The following PEX11B variants were observed in gnomAD, a reference collection of about 807,000 sequenced individuals.
PEX11B encodes the protein peroxisomal membrane protein 11B.
In PEX11B, 18 loss-of-function variants were observed where a neutral mutation model predicts 28.2. The observed-to-expected ratio is 0.64, with a 90% confidence interval of 0.44 to 0.95. The LOEUF (loss-of-function observed/expected upper bound fraction) is 0.95, where lower values mean the gene tolerates loss of function less well. Among genes scored for constraint, PEX11B ranks in the 40% least tolerant of loss-of-function variants. The pLI, the probability that PEX11B is intolerant of heterozygous loss-of-function variation, is 0.00. For synonymous variants in PEX11B, 128 were observed against 128.7 expected (o/e 0.99, Z 0.04); for missense variants, 305 against 319.8 (o/e 0.95, Z 0.35).
chr1:145,914,101 C>T (rs138764143), intron 3 of PEX11B, among the ~76,000 whole-genome samples: 177 of 152,240 alleles, frequency 1.2e-3, no homozygotes, highest in Non-Finnish European at 3.2e-4. Context: ...GTTGGCCAGG[C>T]GTGGTGGCTC....
intron 3 of PEX11B, among the ~76,000 whole-genome samples, chr1:145,913,204 C>G (rs1305180590): frequency 6.6e-6 from 1 of 151,824 alleles, no homozygotes; most frequent in African/African-American, 2.4e-5. Flanking sequence ...TTCAGTTATG[C>G]AAGATGAGTA....
chr1:145,912,600 T>A (rs782714552), intron 3 of PEX11B, 34 bp from the exon 4 acceptor site: 2 of 1,372,872 alleles, frequency 1.5e-6, no homozygotes, highest in Non-Finnish European at 1.9e-6. Context: ...AGTAAGGGCA[T>A]GTATACCTAC....
intron 1 of PEX11B, chr1:145,918,369 G>T: frequency 6.5e-7 from 1 of 1,533,202 alleles, no homozygotes; most frequent in Non-Finnish European, 8.7e-7. Context: ...GCCCAGTGAG[G>T]ACACTGTCGG....
Position 145,911,437 on chromosome 1 carries a change from T to C in PEX11B, c.*724A>G, listed in dbSNP as rs1226011517. 10 of 153,156 alleles carry C rather than the reference T, an allele frequency of 6.5e-5. No homozygotes were observed. In the East Asian group the frequency reaches 1.8e-3, roughly 28 times the overall value. 9.5% of individuals were successfully genotyped at this position (153,156 alleles called of 1,614,324 possible). ...GGCCACAGCTATTTACACAGAATCA[T>C]TGTACAGGATTTACAGCAAGATGCT... On this transcript the variant is annotated 3_prime_UTR_variant, in exon 4 of 4. Transcript: ENST00000369306.
Position 145,918,680 on chromosome 1 carries a change from G to T in PEX11B, c.9C>A (p.Ala3=). The T allele has an allele frequency of 3.2e-6, 5 of 1,557,220 alleles. No individual in the cohort carries two copies. The highest frequency in any genetic ancestry group is 1.4e-5 in the African/African-American group (1 of 71,920). MD[A]WVRFSAQSQA... The stretch of plus-strand genomic sequence containing the variant: ...GGCTCTGAGCACTGAAGCGGACCCA[G>T]GCGTCCATGACAGCCGCAGCCCAGG... Residue 3 remains alanine, a synonymous_variant, in exon 1 of 4, where the codon GCC becomes GCA. Coordinates refer to ENST00000369306, the MANE Select transcript of PEX11B (RefSeq NM_003846.3).
chr1:145,912,547 T>C lies in PEX11B; in HGVS notation c.394A>G (p.Ile132Val). The change falls in exon 4 of 4, where the codon ATC becomes GTC. Residue 132 changes from isoleucine (I) to valine (V), a missense_variant. Physicochemically the swap from Ile to Val is conservative, Grantham distance 29 (BLOSUM62 3). Coordinates refer to ENST00000369306, the MANE Select transcript of PEX11B (RefSeq NM_003846.3). ...TAAGCATCACGGCTCAAATTCATGA[T>C]GAGGGAAAACAAATAGTACCTGATA... is the stretch of plus-strand genomic sequence containing the variant. Reference protein sequence around the residue: ...RSFRYYLFSLIMNLSRDAYEI... With the variant: ...RSFRYYLFSLVMNLSRDAYEI... The C allele has an allele frequency of 6.7e-7, 1 of 1,491,460 alleles. No individual in the cohort carries two copies. The highest frequency in any genetic ancestry group is 8.9e-7 in the Non-Finnish European group (1 of 1,119,902). The allele number at this position is 1,491,460 out of a possible 1,614,324, so 92.4% of individuals were successfully genotyped here. A position where few individuals can be genotyped will look rare whatever the true frequency, so the allele number is the denominator to read the frequency against.
Position 145,918,613 on chromosome 1 carries a change from C to CA in PEX11B, c.56+19dup, listed in dbSNP as rs1307470011. ...GTCCATCCCTCCCCCGCCCCACCCC[C>CA]ATTCCTATTCGGGCCGCACCTACAC... is the stretch of plus-strand genomic sequence containing the variant. On this transcript the variant is annotated intron_variant, in intron 1 of 3. Coordinates refer to ENST00000369306, the MANE Select transcript of PEX11B (RefSeq NM_003846.3). 6.3e-7 allele frequency: 1 copy of CA among 1,583,238 alleles called. No homozygotes were observed. Among genetic ancestry groups the CA allele is most frequent in the Admixed American group, 1.8e-5 (1 of 55,390 alleles).
rs372186452 is a variant in PEX11B, at chr1:145,912,389, G to A, written c.552C>T (p.Pro184=). ...GCAGCCGAAGTTTCAGAGCCAGTTG[G>A]GGCAGACCTCCTCCTGGAGTCCCTG... ...GGPGTPGGGL[P]QLALKLRLQV... Residue 184 remains proline, a synonymous_variant, in exon 4 of 4, where the codon CCC becomes CCT. Coordinates refer to ENST00000369306, the MANE Select transcript of PEX11B (RefSeq NM_003846.3). 6.2e-7 allele frequency: 1 copy of A among 1,609,576 alleles called. No homozygotes were observed. Among genetic ancestry groups the A allele is most frequent in the Non-Finnish European group, 8.5e-7 (1 of 1,177,568 alleles).
chr1:145,918,596 C>CAA, intron 1 of PEX11B, 37 bp downstream of exon 1: 3 of 1,561,238 alleles, frequency 1.9e-6, no homozygotes, highest in Non-Finnish European at 2.6e-6. Context: ...CTGTCCATCC[C>CAA]TCCCCCGCCC....
intron 1 of PEX11B, chr1:145,918,137 G>A (rs1344280083): frequency 5.1e-6 from 5 of 985,348 alleles, no homozygotes; most frequent in Admixed American, 6.1e-5. Context: ...TGATCGATGA[G>A]GGGGAGGCAG....
At chr1:145,915,107 C>T (rs781906784) in intron 3 of PEX11B, among the ~76,000 whole-genome samples, 1 of 152,110 alleles carries the variant, frequency 6.6e-6, no homozygotes, top group African/African-American at 2.4e-5. Flanking sequence ...TTCTCCATGC[C>T]GGTCAGGCTG....
At chr1:145,912,960 C>A (rs1007329540) in intron 3 of PEX11B, among the ~76,000 whole-genome samples, 9 of 151,936 alleles carry the variant, frequency 5.9e-5, no homozygotes, top group African/African-American at 4.8e-5. Flanking sequence ...TGGTGGCCAG[C>A]ACCTGTAATC....
chr1:145,912,174 C>A lies in PEX11B; in HGVS notation c.767G>T (p.Arg256Leu). 17 of 1,604,640 alleles carry A rather than the reference C, an allele frequency of 1.1e-5. No homozygotes were observed. The highest frequency in any genetic ancestry group is 1.4e-5 in the Non-Finnish European group (17 of 1,174,712). Residue 256 changes from arginine to leucine, a missense_variant, in exon 4 of 4, where the codon CGA becomes CTA. By Grantham distance (102) the Arg-to-Leu change is moderately radical. Coordinates refer to ENST00000369306, the MANE Select transcript of PEX11B (RefSeq NM_003846.3). ...SILTLIYPWL[R>L]LKP Reference sequence around the variant, plus strand: ...TGTACCGGAAGGTCAGGGCTTGAGTCGTAGCCAGGGATAGATTAGGGTGAG... The same window carrying A: ...TGTACCGGAAGGTCAGGGCTTGAGTAGTAGCCAGGGATAGATTAGGGTGAG...
At chr1:145,917,946 A>G (rs1647500633) in intron 1 of PEX11B, 130 bp from the exon 2 acceptor site, 5 of 1,418,772 alleles carry the variant, frequency 3.5e-6, no homozygotes, top group African/African-American at 2.9e-5. Flanking sequence ...CTCCATGCCC[A>G]TATCTCACCA....
rs1657777791 is a variant in PEX11B at position 145,911,393 on chromosome 1, G to C, written c.*768C>G. 1 of 152,368 alleles carries C rather than the reference G, an allele frequency of 6.6e-6. No individual in the cohort carries two copies. The highest frequency in any genetic ancestry group is 2.4e-5 in the African/African-American group (1 of 41,476). 9.4% of individuals were successfully genotyped at this position (152,368 alleles called of 1,614,324 possible). A position where few individuals can be genotyped will look rare whatever the true frequency, so the allele number is the denominator to read the frequency against. On this transcript the variant is annotated 3_prime_UTR_variant, in exon 4 of 4. Coordinates refer to ENST00000369306, the MANE Select transcript of PEX11B (RefSeq NM_003846.3). ...TTTAATTTGCTTACCTGAAAGGCTT[G>C]CTCTTCATTATTGGCATAGGCCACA...
intron 3 of PEX11B, among the ~76,000 whole-genome samples, chr1:145,915,634 CTTTT>C (rs587607174): frequency 7.3e-6 from 1 of 137,372 alleles, no homozygotes; most frequent in African/African-American, 2.6e-5. Context: ...CTTTTCTTTT[CTTTT>C]TTTTTTTTTT....
chr1:145,912,810 G>A (rs1448280179), intron 3 of PEX11B, among the ~76,000 whole-genome samples: 2 of 152,008 alleles, frequency 1.3e-5, no homozygotes, highest in Non-Finnish European at 2.9e-5. Context: ...AAATAAGGCC[G>A]GGCGTGGTGG....
Position 145,918,662 on chromosome 1 carries a change from A to G in PEX11B, c.27T>C (p.Ala9=). Residue 9 remains alanine, a synonymous_variant, in exon 1 of 4, where the codon GCT becomes GCC. Transcript: ENST00000369306. Reference sequence around the variant, plus strand: ...ACAGCCGCTCCCGGGCTTGGCTCTGAGCACTGAAGCGGACCCAGGCGTCCA... The same window carrying G: ...ACAGCCGCTCCCGGGCTTGGCTCTGGGCACTGAAGCGGACCCAGGCGTCCA... MDAWVRFS[A]QSQARERLCR... 2 of 1,575,674 alleles carry G rather than the reference A, an allele frequency of 1.3e-6. No individual in the cohort carries two copies. The highest frequency in any genetic ancestry group is 1.7e-6 in the Non-Finnish European group (2 of 1,165,438).
intron 3 of PEX11B, among the ~76,000 whole-genome samples, chr1:145,914,296 C>T (rs587673903): frequency 6.6e-6 from 1 of 152,120 alleles, no homozygotes; most frequent in South Asian, 2.1e-4. Flanking sequence ...ATCACTTGAA[C>T]CCAAGAGATG....
Sources: allele counts gnomAD v4.1 joint callset (sites outside exome capture counted in the v4.1 genomes callset), GRCh38; gene constraint gnomAD v4.1.1; transcripts MANE v1.5; gene names NCBI Gene and HGNC (gene_info 2026-07-23, HGNC 2026-07-21).